The following ANKS1B variants were observed in gnomAD, a reference collection of about 807,000 sequenced individuals.
ANKS1B encodes ankyrin repeat and sterile alpha motif domain-containing protein 1B.
Under a neutral mutation model 148.3 loss-of-function variants are expected in ANKS1B, and 36 were observed. The ratio of observed to expected loss-of-function variants is 0.24; its 90% CI spans 0.19 to 0.32. The LOEUF is 0.32. Among genes scored for constraint, ANKS1B ranks in the 10% least tolerant of loss-of-function variants. ANKS1B has a pLI of 1.00. For synonymous variants in ANKS1B, 542 were observed against 560.8 expected, an observed-to-expected ratio of 0.97 and a Z score of 0.47; for missense variants, 1,157 against 1,542.6, an observed-to-expected ratio of 0.75 and a Z score of 4.19.
chr12:99,792,451 C>T (rs937283456), intron 4 of ANKS1B, among the ~76,000 whole-genome samples: 2 of 151,778 alleles, frequency 1.3e-5, no homozygotes, highest in Admixed American at 1.3e-4. Context: ...AAACTATAGG[C>T]CAATATCTCT....
intron 19 of ANKS1B, among the ~76,000 whole-genome samples, chr12:98,817,224 G>A (rs1594616259): frequency 1.3e-5 from 2 of 152,258 alleles, no homozygotes; most frequent in Non-Finnish European, 2.9e-5. Flanking sequence ...AGCTTCAAAG[G>A]CAGAAGAAAA....
intron 12 of ANKS1B, among the ~76,000 whole-genome samples, chr12:99,382,839 T>A (rs972913245): frequency 2.6e-5 from 4 of 152,126 alleles, no homozygotes; most frequent in South Asian, 2.1e-4. Flanking sequence ...CTGATTTTGA[T>A]ACCTTCCCAT....
At chr12:99,642,534 TA>T (rs1289437612) in intron 9 of ANKS1B, among the ~76,000 whole-genome samples, 1 of 152,116 alleles carries the variant, frequency 6.6e-6, no homozygotes, top group African/African-American at 2.4e-5. Flanking sequence ...AAAGAGAATC[TA>T]GGGGGCATGG....
intron 12 of ANKS1B, among the ~76,000 whole-genome samples, chr12:99,252,690 AG>A (rs1778101036): frequency 6.6e-6 from 1 of 152,208 alleles, no homozygotes; most frequent in South Asian, 2.1e-4. Flanking sequence ...CCCAAAGGAG[AG>A]GGTCTTGTGC....
chr12:99,335,385 T>A (rs553795034), intron 12 of ANKS1B, among the ~76,000 whole-genome samples: 1 of 152,024 alleles, frequency 6.6e-6, no homozygotes, highest in Non-Finnish European at 1.5e-5. Context: ...TAGTTACTTT[T>A]AAGTATACAA....
intron 11 of ANKS1B, among the ~76,000 whole-genome samples, chr12:99,433,554 T>G (rs1005599388): frequency 4.6e-5 from 7 of 151,990 alleles, no homozygotes; most frequent in African/African-American, 1.7e-4. Context: ...ATCTGAGGTG[T>G]GAGAGAAAGA....
chr12:99,520,286 T>A (rs1437042800), intron 9 of ANKS1B, among the ~76,000 whole-genome samples: 1 of 152,178 alleles, frequency 6.6e-6, no homozygotes, highest in Non-Finnish European at 1.5e-5. Context: ...TTAGCTTTGG[T>A]TTGTCTGGGA....
chr12:98,905,372 T>C (rs1180796724), intron 17 of ANKS1B, among the ~76,000 whole-genome samples: 1 of 152,158 alleles, frequency 6.6e-6, no homozygotes, highest in African/African-American at 2.4e-5. Context: ...GGCGCCTGCT[T>C]TCACCCACAT....
rs183341927 is a variant in ANKS1B, at chr12:98,896,448, A to G, written c.2779-64312T>C. ...TATCCTCACTTTACAGATTAAAAAA[A>G]AGGCTTAGATCTGCAACTGGTAGTT... On this transcript the variant is annotated intron_variant, in intron 17 of 26. Transcript: ENST00000683438. Among the ~76,000 whole-genome samples the G allele has an allele frequency of 3.3e-5, 5 of 152,352 alleles. No homozygotes were observed. The East Asian group carries it at 9.6e-4, about 29-fold the overall frequency.
intron 9 of ANKS1B, among the ~76,000 whole-genome samples, chr12:99,571,958 T>C (rs2097460408): frequency 6.6e-6 from 1 of 152,076 alleles, no homozygotes; most frequent in Non-Finnish European, 1.5e-5. Context: ...AATCCAAATA[T>C]GTATAAAACA....
At chr12:98,938,677 C>T (rs2099826928) in intron 17 of ANKS1B, among the ~76,000 whole-genome samples, 1 of 152,208 alleles carries the variant, frequency 6.6e-6, no homozygotes, top group Non-Finnish European at 1.5e-5. Context: ...TTTATTGAGA[C>T]CAGACTACTA....
intron 25 of ANKS1B, among the ~76,000 whole-genome samples, chr12:98,772,800 G>A (rs914180937): frequency 6.6e-6 from 1 of 152,136 alleles, no homozygotes; most frequent in Non-Finnish European, 1.5e-5. Context: ...AACCAAACCT[G>A]CCGACACATT....
intron 14 of ANKS1B, among the ~76,000 whole-genome samples, chr12:99,170,767 A>T (rs927886639): frequency 6.6e-6 from 1 of 152,162 alleles, no homozygotes; most frequent in African/African-American, 2.4e-5. Context: ...GCTTTGTCTT[A>T]TCTAATATGC....
intron 9 of ANKS1B, among the ~76,000 whole-genome samples, chr12:99,618,300 C>T (rs1319899597): frequency 1.3e-5 from 2 of 152,090 alleles, no homozygotes; most frequent in Admixed American, 1.3e-4. Flanking sequence ...ATGACATAAC[C>T]AAATGGAAAA....
intron 15 of ANKS1B, among the ~76,000 whole-genome samples, chr12:99,130,042 T>C (rs2065654656): frequency 6.6e-6 from 1 of 152,242 alleles, no homozygotes; most frequent in African/African-American, 2.4e-5. Flanking sequence ...ATAATCTTTT[T>C]TTTTGTCTTC....
intron 12 of ANKS1B, among the ~76,000 whole-genome samples, chr12:99,310,034 G>A (rs12303010): frequency 0.078 from 11,935 of 152,094 alleles, 1,116 homozygotes; most frequent in African/African-American, 0.23. Flanking sequence ...CATTTGGAAA[G>A]CTAGAAAACC....
intron 9 of ANKS1B, among the ~76,000 whole-genome samples, chr12:99,504,965 C>T (rs567581068): frequency 2.0e-5 from 3 of 152,090 alleles, no homozygotes; most frequent in South Asian, 2.1e-4. Context: ...ACTCCTTTGC[C>T]GGCCTCCTGG....
chr12:99,493,419 A>G (rs189942715), intron 10 of ANKS1B, among the ~76,000 whole-genome samples: 23 of 151,608 alleles, frequency 1.5e-4, no homozygotes, highest in African/African-American at 4.9e-4. Flanking sequence ...GACTTTAGGA[A>G]ACTATTATAA....
chr12:98,986,583 T>C (rs909899779), intron 17 of ANKS1B, among the ~76,000 whole-genome samples: 1 of 152,058 alleles, frequency 6.6e-6, no homozygotes, highest in African/African-American at 2.4e-5. Flanking sequence ...CAACTTTTAA[T>C]GTTTGTTGTG....
Sources: allele counts gnomAD v4.1 joint callset (sites outside exome capture counted in the v4.1 genomes callset), GRCh38; gene constraint gnomAD v4.1.1; transcripts MANE v1.5; gene names NCBI Gene and HGNC (gene_info 2026-07-23, HGNC 2026-07-21).